Variants in CCDC91 observed in about 807,000 individuals in gnomAD.
CCDC91 encodes coiled-coil domain-containing protein 91.
In CCDC91, 48 loss-of-function variants were observed where a neutral mutation model predicts 63.2. That is an observed-to-expected ratio of 0.76 (90% CI 0.60 to 0.97). CCDC91 has a LOEUF of 0.97. Ranked by LOEUF, CCDC91 falls within the 50% of genes least tolerant of loss-of-function variation. The probability of loss-of-function intolerance (pLI) is 0.00; values close to 1 mark genes in which losing one functional copy is unlikely to be tolerated. For missense variants in CCDC91, 500 were observed against 494.6 expected (o/e 1.01, Z -0.10); for synonymous variants, 167 against 165.8 (o/e 1.01, Z -0.06).
intron 12 of CCDC91, among the ~76,000 whole-genome samples, chr12:28,520,632 A>C (rs1036608436): frequency 6.6e-6 from 1 of 152,190 alleles, no homozygotes; most frequent in Admixed American, 6.5e-5. Context: ...TGTTTTAGAC[A>C]TGAAGTCCTT....
chr12:28,516,186 T>C (rs772979854), intron 12 of CCDC91, among the ~76,000 whole-genome samples: 1 of 151,956 alleles, frequency 6.6e-6, no homozygotes, highest in Non-Finnish European at 1.5e-5. Flanking sequence ...AGGCAGACTT[T>C]ACCTGAAAAA....
chr12:28,362,356 A>G (rs1943953761), intron 6 of CCDC91, 82 bp from the exon 7 acceptor site: 2 of 882,108 alleles, frequency 2.3e-6, no homozygotes, highest in Admixed American at 2.6e-5. Flanking sequence ...TCATTCGTGG[A>G]AGCAGCAAAA....
At position 28,326,334 on chromosome 12, in the gene CCDC91, A is replaced by G. The variant is rs187280595; in HGVS notation, c.576+18585A>G. Among the ~76,000 whole-genome samples, 5 of 151,888 alleles carry G rather than the reference A, an allele frequency of 3.3e-5. No homozygotes were observed. In the East Asian group the frequency reaches 9.7e-4, roughly 29 times the overall value. ...TATTATACATCTTTTGTAGACTTAT[A>G]GCAAATTTAATGTTTGAATGATTTT... is the stretch of plus-strand genomic sequence containing the variant. On this transcript the variant is annotated intron_variant, in intron 6 of 12. Transcript: ENST00000536442.
At chr12:28,213,992 T>C (rs745377887) in intron 1 of CCDC91, among the ~76,000 whole-genome samples, 1 of 152,140 alleles carries the variant, frequency 6.6e-6, no homozygotes, top group Non-Finnish European at 1.5e-5. Context: ...GATTCATGGA[T>C]CCAAGAATCA....
At chr12:28,194,671 G>A (rs1245890949) in intron 1 of CCDC91, among the ~76,000 whole-genome samples, 1 of 151,996 alleles carries the variant, frequency 6.6e-6, no homozygotes, top group Non-Finnish European at 1.5e-5. Context: ...TGGCCTTGCT[G>A]GCTTCAGGAG....
At chr12:28,328,537 T>C (rs1377753275) in intron 6 of CCDC91, among the ~76,000 whole-genome samples, 1 of 152,190 alleles carries the variant, frequency 6.6e-6, no homozygotes, top group Admixed American at 6.6e-5. Context: ...AAGGAAAAGC[T>C]GACTCCTTGC....
At chr12:28,293,463 A>G (rs1314852597) in intron 3 of CCDC91, among the ~76,000 whole-genome samples, 2 of 152,212 alleles carry the variant, frequency 1.3e-5, no homozygotes, top group African/African-American at 4.8e-5. Context: ...TACTGGCAGT[A>G]GGATATAGTT....
chr12:28,366,288 T>A (rs1944268583), intron 7 of CCDC91, among the ~76,000 whole-genome samples: 1 of 152,168 alleles, frequency 6.6e-6, no homozygotes, highest in Admixed American at 6.5e-5. Context: ...CGGATTTTCT[T>A]TTTACCCTTT....
intron 7 of CCDC91, among the ~76,000 whole-genome samples, chr12:28,373,224 T>A (rs1184259025): frequency 6.6e-6 from 1 of 152,234 alleles, no homozygotes; most frequent in African/African-American, 2.4e-5. Flanking sequence ...CAGATTCTCT[T>A]ATACACTATG....
chr12:28,485,492 A>G lies in CCDC91; in HGVS notation c.1215+1327A>G, dbSNP rs75356427. 2.2e-3 allele frequency among the ~76,000 whole-genome samples: 337 copies of G among 152,106 alleles called. 3 individuals are homozygous for G. Among genetic ancestry groups the G allele is most frequent in the African/African-American group, 7.7e-3 (319 of 41,526 alleles). On this transcript the variant is annotated intron_variant, in intron 12 of 12. Transcript: ENST00000536442. ...TCCAGTGCTGTTAACTTGAAGTCAA[A>G]TTTGGTATGATACAAAGAAAATCCC...
intron 7 of CCDC91, among the ~76,000 whole-genome samples, chr12:28,363,393 A>T (rs1175339247): frequency 6.6e-6 from 1 of 152,196 alleles, no homozygotes; most frequent in East Asian, 1.9e-4. Context: ...TTTTTACAGT[A>T]TAAATATACC....
chr12:28,331,519 A>AC (rs1555186129), intron 6 of CCDC91, among the ~76,000 whole-genome samples: 1 of 152,114 alleles, frequency 6.6e-6, no homozygotes, highest in Non-Finnish European at 1.5e-5. Flanking sequence ...TTCTTGAAAT[A>AC]TTTTTTTCCC....
rs143473428 is a variant in CCDC91 at position 28,514,578 on chromosome 12, A to G, written c.1215+30413A>G. Among the ~76,000 whole-genome samples the G allele has an allele frequency of 3.9e-4, 59 of 152,038 alleles. 1 individual carries two copies. In the East Asian group the frequency reaches 0.011, roughly 28 times the overall value. ...ATCTTTGTCCATTCGTATGTCCAGA[A>G]TGGTATTGCCTAGGTTATCTTCCAG... On this transcript the variant is annotated intron_variant, in intron 12 of 12. Coordinates refer to ENST00000536442, the MANE Select transcript of CCDC91 (RefSeq NM_018318.5).
At chr12:28,393,258 A>G (rs1455423544) in intron 8 of CCDC91, among the ~76,000 whole-genome samples, 1 of 152,182 alleles carries the variant, frequency 6.6e-6, no homozygotes, top group African/African-American at 2.4e-5. Context: ...TTAAGTAGCA[A>G]ATAGTTACAG....
chr12:28,416,890 A>G (rs1947696614), intron 8 of CCDC91, among the ~76,000 whole-genome samples: 1 of 152,184 alleles, frequency 6.6e-6, no homozygotes, highest in South Asian at 2.1e-4. Flanking sequence ...ATGAATATAT[A>G]TATATGATTA....
chr12:28,294,386 T>A (rs1437949775), intron 3 of CCDC91, among the ~76,000 whole-genome samples: 1 of 152,026 alleles, frequency 6.6e-6, no homozygotes, highest in African/African-American at 2.4e-5. Context: ...ATGGAGGTGG[T>A]TCCCCCCGCA....
chr12:28,327,546 C>T (rs1410363324), intron 6 of CCDC91, among the ~76,000 whole-genome samples: 2 of 152,124 alleles, frequency 1.3e-5, no homozygotes, highest in Non-Finnish European at 2.9e-5. Context: ...ACACCACCTC[C>T]TCTAGCAGTC....
At chr12:28,410,588 C>G (rs1482504679) in intron 8 of CCDC91, among the ~76,000 whole-genome samples, 2 of 152,248 alleles carry the variant, frequency 1.3e-5, no homozygotes, top group African/African-American at 4.8e-5. Context: ...GTGGCATGAT[C>G]TCGGCTCACT....
intron 8 of CCDC91, among the ~76,000 whole-genome samples, chr12:28,396,766 A>T (rs187402278): frequency 6.6e-6 from 1 of 151,700 alleles, no homozygotes. Context: ...ATTTTTCTGT[A>T]TGGGGTCCAA....
Sources: allele counts gnomAD v4.1 joint callset (sites outside exome capture counted in the v4.1 genomes callset), GRCh38; gene constraint gnomAD v4.1.1; transcripts MANE v1.5; gene names NCBI Gene and HGNC (gene_info 2026-07-23, HGNC 2026-07-21).